CHKA: variants seen among roughly 807,000 people sequenced by gnomAD.
CHKA encodes CHETK-alpha.
CHKA carries 34 observed loss-of-function variants against 60.1 expected under a neutral mutation model. That is an observed-to-expected ratio of 0.57 (90% CI 0.43 to 0.75). CHKA has a LOEUF of 0.75. Ranked by LOEUF, CHKA falls within the 30% of genes least tolerant of loss-of-function variation. The pLI is 0.00. For missense variants in CHKA, 563 were observed against 561.3 expected (o/e 1.00, Z -0.03); for synonymous variants, 217 against 223.1 (o/e 0.97, Z 0.24).
chr11:68,075,413 T>C (rs1052006336), intron 3 of CHKA, among the ~76,000 whole-genome samples: 2 of 152,064 alleles, frequency 1.3e-5, no homozygotes, highest in Admixed American at 1.3e-4. Context: ...CTTTTCCTGT[T>C]ATTGAATGTT....
intron 1 of CHKA, among the ~76,000 whole-genome samples, chr11:68,108,231 T>A (rs1296374104): frequency 6.6e-6 from 1 of 152,096 alleles, no homozygotes. Context: ...GGTGGGATGA[T>A]CGCTTGAGCC....
intron 2 of CHKA, among the ~76,000 whole-genome samples, chr11:68,093,621 C>A (rs536093971): frequency 2.0e-5 from 3 of 152,162 alleles, no homozygotes; most frequent in Admixed American, 2.0e-4. Flanking sequence ...GACATTTCTA[C>A]TGTATTTAAC....
intron 4 of CHKA, among the ~76,000 whole-genome samples, chr11:68,073,024 A>AT (rs1856672694): frequency 6.6e-6 from 1 of 152,194 alleles, no homozygotes; most frequent in Admixed American, 6.5e-5. Context: ...TAAACAATAC[A>AT]TACAAGAGCA....
chr11:68,106,810 G>T (rs760022500), intron 1 of CHKA, among the ~76,000 whole-genome samples: 1 of 152,178 alleles, frequency 6.6e-6, no homozygotes, highest in African/African-American at 2.4e-5. Context: ...TTCTACTCCA[G>T]CACGGCTCAG....
rs781307552 is a variant in CHKA at position 68,120,943 on chromosome 11, C to A, written c.235G>T (p.Ala79Ser). ...LPQPPPPQPP[A>S]DEQPEPRTRR... ...GTCCGGGGCTCCGGCTGCTCGTCTG[C>A]GGGCGGCTGCGGCGGCGGGGGCTGG... Residue 79 changes from alanine to serine, a missense_variant, in exon 1 of 12, where the codon GCA becomes TCA. Transcript: ENST00000265689. The A allele has an allele frequency of 5.1e-6, 6 of 1,178,092 alleles. No homozygotes were observed. Among genetic ancestry groups the A allele is most frequent in the Non-Finnish European group, 6.3e-6 (6 of 947,576 alleles). 73.0% of individuals were successfully genotyped at this position (1,178,092 alleles called of 1,614,324 possible). A position where few individuals can be genotyped will look rare whatever the true frequency, so the allele number is the denominator to read the frequency against.
intron 2 of CHKA, among the ~76,000 whole-genome samples, chr11:68,090,084 TA>T (rs1160473176): frequency 1.3e-5 from 2 of 152,158 alleles, no homozygotes; most frequent in Non-Finnish European, 2.9e-5. Flanking sequence ...TCTGAATATG[TA>T]AAAATTAGAC....
At chr11:68,076,607 AG>A (rs1856798708) in intron 3 of CHKA, among the ~76,000 whole-genome samples, 1 of 152,040 alleles carries the variant, frequency 6.6e-6, no homozygotes, top group African/African-American at 2.4e-5. Flanking sequence ...AAAAGTAAAC[AG>A]GGGCTGGGCA....
At chr11:68,069,055 T>TGGTGCGATCAC in intron 6 of CHKA, 118 bp from the exon 7 acceptor site, 1 of 690,106 alleles carries the variant, frequency 1.4e-6, no homozygotes. Flanking sequence ...AGTTTCAGAG[T>TGGTGCGATCAC]AGTATCTGTG....
At chr11:68,114,102 GA>G (rs1300416221) in intron 1 of CHKA, among the ~76,000 whole-genome samples, 1 of 152,140 alleles carries the variant, frequency 6.6e-6, no homozygotes, top group Non-Finnish European at 1.5e-5. Context: ...AGAATAACAG[GA>G]AATCTCATTC....
chr11:68,084,742 GAAT>G (rs1857126453), intron 2 of CHKA, among the ~76,000 whole-genome samples: 2 of 151,676 alleles, frequency 1.3e-5, no homozygotes, highest in Non-Finnish European at 2.9e-5. Context: ...AATATTTACA[GAAT>G]AATATAACAT....
intron 3 of CHKA, among the ~76,000 whole-genome samples, chr11:68,080,954 T>A (rs1856967923): frequency 6.6e-6 from 1 of 152,144 alleles, no homozygotes; most frequent in Non-Finnish European, 1.5e-5. Context: ...TTGGGTATCA[T>A]CCATAGGAAA....
chr11:68,106,932 C>T (rs1391702114), intron 1 of CHKA, among the ~76,000 whole-genome samples: 4 of 152,108 alleles, frequency 2.6e-5, no homozygotes, highest in African/African-American at 9.7e-5. Context: ...TAGATGCCAG[C>T]TGTACTACCA....
At chr11:68,104,668 C>T (rs1371320365) in intron 1 of CHKA, among the ~76,000 whole-genome samples, 7 of 151,910 alleles carry the variant, frequency 4.6e-5, no homozygotes, top group Non-Finnish European at 7.4e-5. Context: ...GTGATCCAAC[C>T]GCCTCGGCCT....
chr11:68,086,455 A>G (rs1239157891), intron 2 of CHKA, among the ~76,000 whole-genome samples: 1 of 152,272 alleles, frequency 6.6e-6, no homozygotes, highest in Non-Finnish European at 1.5e-5. Flanking sequence ...GTTCCACAAT[A>G]TAGCAGGTAT....
Position 68,061,589 on chromosome 11 carries a change from T to TC in CHKA, c.1314+363dup, listed in dbSNP as rs1178976528. 9 of 374,902 alleles carry TC rather than the reference T, an allele frequency of 2.4e-5. No homozygotes were observed. In the East Asian group the frequency reaches 6.3e-4, roughly 26 times the overall value. The allele number at this position is 374,902 out of a possible 1,614,324, so 23.2% of individuals were successfully genotyped here. ...AGCACAGGCAGGAGCCACCCACTCTTCTTCACTTACTGTCCCGTGTCAGAA... is the reference window on the plus strand; with the variant it reads ...AGCACAGGCAGGAGCCACCCACTCTTCCTTCACTTACTGTCCCGTGTCAGAA... On this transcript the variant is annotated intron_variant, in intron 11 of 11. Coordinates refer to ENST00000265689, the MANE Select transcript of CHKA (RefSeq NM_001277.3).
Position 68,121,190 on chromosome 11 carries a change from G to T in CHKA, c.-13C>A. Reference sequence around the variant, plus strand: ...ATTTGGTTTTCATGCCCGACAGGCGGCCGAGGAGGCGCGGGCGGCCGCAGC... The same window carrying T: ...ATTTGGTTTTCATGCCCGACAGGCGTCCGAGGAGGCGCGGGCGGCCGCAGC... On this transcript the variant is annotated 5_prime_UTR_variant, in exon 1 of 12. Transcript: ENST00000265689. 8.6e-7 allele frequency: 1 copy of T among 1,167,694 alleles called. No individual in the cohort carries two copies. 72.3% of individuals were successfully genotyped at this position (1,167,694 alleles called of 1,614,324 possible).
chr11:68,078,169 C>T (rs1376167595), intron 3 of CHKA, among the ~76,000 whole-genome samples: 1 of 152,184 alleles, frequency 6.6e-6, no homozygotes, highest in Non-Finnish European at 1.5e-5. Flanking sequence ...AAAACAAACA[C>T]TATCCCCACA....
intron 1 of CHKA, among the ~76,000 whole-genome samples, chr11:68,113,894 G>A (rs1026763104): frequency 6.6e-6 from 1 of 151,406 alleles, no homozygotes; most frequent in Non-Finnish European, 1.5e-5. Context: ...AGGAGGCAGA[G>A]ACAGGAGAAT....
intron 7 of CHKA, among the ~76,000 whole-genome samples, 185 bp from the exon 8 acceptor site, chr11:68,066,701 A>G (rs116608331): frequency 7.3e-4 from 111 of 152,334 alleles, no homozygotes; most frequent in African/African-American, 2.6e-3. Flanking sequence ...AACCCTATGC[A>G]GGGTGGCTCC....
Sources: gnomAD v4.1 joint callset for allele counts (sites outside exome capture counted in the v4.1 genomes callset) on GRCh38, gnomAD v4.1.1 for gene constraint, MANE v1.5 for transcripts, NCBI Gene and HGNC (gene_info 2026-07-23, HGNC 2026-07-21) for gene names.